The following SOX5 variants were observed in gnomAD, a reference collection of about 807,000 sequenced individuals.
The protein encoded by SOX5 is SRY-box transcription factor 5.
SOX5 carries 9 observed loss-of-function variants against 92.0 expected under a neutral mutation model. The observed-to-expected ratio is 0.10, with a 90% CI of 0.06 to 0.17. The LOEUF (loss-of-function observed/expected upper bound fraction) is 0.17. Among genes scored for constraint, SOX5 ranks in the 10% least tolerant of loss-of-function variants. The pLI is 1.00. For synonymous variants in SOX5, 344 were observed against 336.3 expected (o/e 1.02, Z -0.25); for missense variants, 642 against 944.5 (o/e 0.68, Z 4.20).
rs374031082 is a variant in SOX5, at chr12:23,668,324, T to C, written c.811-2760A>G. On this transcript the variant is annotated intron_variant, in intron 6 of 14. Coordinates refer to ENST00000451604, the MANE Select transcript of SOX5 (RefSeq NM_006940.6). ...CTCGCAAGAATCTAACCATACTTCC[T>C]TTAAGAGCAATTGTTCAGCATTCAC... Among the ~76,000 whole-genome samples the C allele has an allele frequency of 3.9e-4, 59 of 152,322 alleles. 1 individual carries two copies. The East Asian group carries it at 0.011, about 28-fold the overall frequency.
At chr12:24,133,435 G>A (rs1221651761) in intron 4 of SOX5, among the ~76,000 whole-genome samples, 1 of 152,208 alleles carries the variant, frequency 6.6e-6, no homozygotes, top group Non-Finnish European at 1.5e-5. Context: ...CAGATAGGGT[G>A]AGGAACTGCC....
rs534963196 is a variant in SOX5, at chr12:23,928,328, T to C, written c.38+21236A>G. On this transcript the variant is annotated intron_variant, in intron 1 of 14. Transcript: ENST00000451604. ...TGCAGATTTTCCTCTCTATCCTTAA[T>C]GTTGCTCAGTACTCGGGTGTGGCCA... 1.4e-4 allele frequency among the ~76,000 whole-genome samples: 21 copies of C among 152,158 alleles called. No individual in the cohort carries two copies. The Middle Eastern group carries it at 0.01, about 74-fold the overall frequency.
At chr12:23,653,033 T>C (rs140990695) in intron 7 of SOX5, among the ~76,000 whole-genome samples, 3,008 of 88,304 alleles carry the variant, frequency 0.034, 111 homozygotes, top group African/African-American at 0.11. Flanking sequence ...TACAGATAGA[T>C]GGATGGATGG....
intron 7 of SOX5, among the ~76,000 whole-genome samples, chr12:23,642,806 G>GTCAGACTAGGATGGTGACAT (rs1592867496): frequency 6.8e-6 from 1 of 147,900 alleles, no homozygotes; most frequent in East Asian, 2.1e-4. Flanking sequence ...GGTAATTATG[G>GTCAGACTAGGATGGTGACAT]GCCGGGCGCG....
At chr12:24,351,553 G>C (rs1342692250) in intron 2 of SOX5, among the ~76,000 whole-genome samples, 17 of 152,174 alleles carry the variant, frequency 1.1e-4, no homozygotes, top group Non-Finnish European at 2.5e-4. Flanking sequence ...TAGGTTGAAA[G>C]AACAGCTTAA....
intron 7 of SOX5, among the ~76,000 whole-genome samples, chr12:23,660,145 C>T (rs892296945): frequency 6.6e-6 from 1 of 152,092 alleles, no homozygotes; most frequent in Admixed American, 6.6e-5. Flanking sequence ...GATCCTAACT[C>T]AAAGAGAGTG....
At chr12:24,425,552 G>GT (rs1283923491) in intron 1 of SOX5, among the ~76,000 whole-genome samples, 3 of 152,080 alleles carry the variant, frequency 2.0e-5, no homozygotes, top group African/African-American at 7.2e-5. Context: ...AATTTTGGGG[G>GT]GTACTGACTG....
intron 5 of SOX5, among the ~76,000 whole-genome samples, chr12:23,738,981 C>T (rs2093702637): frequency 6.6e-6 from 1 of 152,128 alleles, no homozygotes; most frequent in African/African-American, 2.4e-5. Context: ...AAACGAACAT[C>T]TTTTAAGCAG....
chr12:24,331,728 A>G (rs906322402), intron 2 of SOX5, among the ~76,000 whole-genome samples: 1 of 151,718 alleles, frequency 6.6e-6, no homozygotes, highest in Non-Finnish European at 1.5e-5. Flanking sequence ...CGTGCCTGTA[A>G]TCCCAGCTAC....
chr12:24,062,005 AAGAT>A (rs1939820805), intron 4 of SOX5, among the ~76,000 whole-genome samples: 1 of 152,206 alleles, frequency 6.6e-6, no homozygotes. Context: ...TGTAGAAAAG[AAGAT>A]AGATTAAAAA....
At chr12:24,097,726 T>C (rs748631413) in intron 4 of SOX5, among the ~76,000 whole-genome samples, 7 of 152,144 alleles carry the variant, frequency 4.6e-5, no homozygotes, top group Non-Finnish European at 8.8e-5. Context: ...ATGTTTTACC[T>C]TCATAATATA....
chr12:24,268,413 G>T (rs12304595), intron 3 of SOX5, among the ~76,000 whole-genome samples: 2,895 of 152,118 alleles, frequency 0.019, 81 homozygotes, highest in African/African-American at 0.064. Flanking sequence ...AGACCAAGCT[G>T]AAAGTATATT....
intron 2 of SOX5, among the ~76,000 whole-genome samples, chr12:24,321,876 C>G (rs12818682): frequency 6.6e-6 from 1 of 152,096 alleles, no homozygotes; most frequent in Non-Finnish European, 1.5e-5. Flanking sequence ...GAAGTTGGCC[C>G]TAATATACTC....
intron 4 of SOX5, among the ~76,000 whole-genome samples, chr12:23,970,840 A>ATTTT: frequency 9.0e-5 from 3 of 33,478 alleles, no homozygotes; most frequent in African/African-American, 3.1e-4. Context: ...ATATATATAT[A>ATTTT]ATTTTTTTTT....
At chr12:23,534,670 C>T (rs1939827902) in intron 14 of SOX5, 148 bp from the exon 15 acceptor site, 1 of 599,532 alleles carries the variant, frequency 1.7e-6, no homozygotes, top group Non-Finnish European at 2.9e-6. Context: ...CTCCATCCTA[C>T]TTGAACTTTA....
chr12:24,470,490 T>A (rs1179198155), intron 1 of SOX5, among the ~76,000 whole-genome samples: 1 of 150,282 alleles, frequency 6.7e-6, no homozygotes, highest in Non-Finnish European at 1.5e-5. Context: ...CTTAAATCCA[T>A]GATGAACAGC....
chr12:24,142,454 AC>A (rs1330837680), intron 4 of SOX5, among the ~76,000 whole-genome samples: 1 of 152,024 alleles, frequency 6.6e-6, no homozygotes, highest in Non-Finnish European at 1.5e-5. Flanking sequence ...GTGTATAGAA[AC>A]ATGGTCTAGT....
At chr12:23,688,681 A>G (rs2088128279) in intron 6 of SOX5, among the ~76,000 whole-genome samples, 1 of 152,114 alleles carries the variant, frequency 6.6e-6, no homozygotes. Context: ...AATTGCTACG[A>G]ATTGGGCCTC....
intron 3 of SOX5, among the ~76,000 whole-genome samples, chr12:24,250,817 C>T (rs939855): frequency 0.16 from 24,190 of 152,126 alleles, 2,325 homozygotes; most frequent in South Asian, 0.23. Context: ...ATTAAACGCC[C>T]TACCTTCCCC....
Sources: allele counts gnomAD v4.1 joint callset (sites outside exome capture counted in the v4.1 genomes callset), GRCh38; gene constraint gnomAD v4.1.1; transcripts MANE v1.5; gene names NCBI Gene and HGNC (gene_info 2026-07-23, HGNC 2026-07-21).